NR3C1: variants seen among roughly 807,000 people sequenced by gnomAD.
NR3C1 encodes nuclear receptor subfamily 3 group C member 1.
Under a neutral mutation model 74.0 loss-of-function variants are expected in NR3C1, and 14 were observed. The ratio of observed to expected loss-of-function variants is 0.19; its 90% CI spans 0.12 to 0.30. NR3C1 has a LOEUF of 0.30. Among genes scored for constraint, NR3C1 ranks in the 10% least tolerant of loss-of-function variants. NR3C1 has a pLI of 1.00. For missense variants in NR3C1, 695 were observed against 909.8 expected, an observed-to-expected ratio of 0.76 and a Z score of 3.04; for synonymous variants, 308 against 332.5, an observed-to-expected ratio of 0.93 and a Z score of 0.80.
intron 1 of NR3C1, chr5:143,401,544 C>A (rs1295131185): frequency 6.5e-6 from 1 of 153,444 alleles, no homozygotes; most frequent in African/African-American, 2.4e-5. Flanking sequence ...AAATGAGATA[C>A]ACTTTATATA....
chr5:143,348,241 C>T (rs1829650558), intron 2 of NR3C1, among the ~76,000 whole-genome samples: 1 of 152,102 alleles, frequency 6.6e-6, no homozygotes, highest in South Asian at 2.1e-4. Context: ...ACTGAAAATG[C>T]CCAATGAAAC....
intron 2 of NR3C1, among the ~76,000 whole-genome samples, chr5:143,340,716 C>T (rs947211442): frequency 6.6e-6 from 1 of 152,086 alleles, no homozygotes; most frequent in East Asian, 1.9e-4. Flanking sequence ...CTCCTGACCT[C>T]GTGATCCGCC....
intron 2 of NR3C1, among the ~76,000 whole-genome samples, chr5:143,326,303 G>A (rs1051985518): frequency 4.6e-5 from 7 of 152,082 alleles, no homozygotes; most frequent in Non-Finnish European, 1.0e-4. Context: ...CTTAAGGTAA[G>A]GTTAAACATC....
chr5:143,433,433 T>G (rs1751943885), intron 1 of NR3C1, among the ~76,000 whole-genome samples: 1 of 138,880 alleles, frequency 7.2e-6, no homozygotes, highest in Non-Finnish European at 1.5e-5. Context: ...TATATATATA[T>G]ATAATTTATT....
At chr5:143,330,985 C>G (rs924481355) in intron 2 of NR3C1, among the ~76,000 whole-genome samples, 1 of 152,114 alleles carries the variant, frequency 6.6e-6, no homozygotes, top group Non-Finnish European at 1.5e-5. Context: ...CAAAAAAGGG[C>G]ACAAATAGCC....
chr5:143,279,248 G>A lies in NR3C1; in HGVS notation c.*2641C>T. ...AGCTTCTTTTCCCATTTAATGAAAA[G>A]CCTCCTATAGTTGTCGATGAGCATC... On this transcript the variant is annotated 3_prime_UTR_variant, in exon 9 of 9. Transcript: ENST00000394464. The A allele has an allele frequency of 3.4e-6, 4 of 1,183,022 alleles. No individual in the cohort carries two copies. The highest frequency in any genetic ancestry group is 3.2e-5 in the South Asian group (2 of 62,612). 73.3% of individuals were successfully genotyped at this position (1,183,022 alleles called of 1,614,324 possible). A position where few individuals can be genotyped will look rare whatever the true frequency, so the allele number is the denominator to read the frequency against.
At chr5:143,343,146 C>T (rs150907865) in intron 2 of NR3C1, among the ~76,000 whole-genome samples, 1 of 152,304 alleles carries the variant, frequency 6.6e-6, no homozygotes, top group East Asian at 1.9e-4. Flanking sequence ...GCACAATGGT[C>T]ATACTGCCTT....
At chr5:143,361,181 G>C (rs567439906) in intron 2 of NR3C1, among the ~76,000 whole-genome samples, 9 of 152,184 alleles carry the variant, frequency 5.9e-5, no homozygotes, top group African/African-American at 2.2e-4. Flanking sequence ...AGTATAAGTA[G>C]GAAGCATGGC....
intron 2 of NR3C1, among the ~76,000 whole-genome samples, chr5:143,343,977 A>G (rs569016488): frequency 1.3e-5 from 2 of 152,358 alleles, no homozygotes; most frequent in South Asian, 2.1e-4. Context: ...AGTATTAACA[A>G]AAGATATTTT....
At chr5:143,332,412 T>TG (rs569225451) in intron 2 of NR3C1, among the ~76,000 whole-genome samples, 95 of 7,060 alleles carry the variant, frequency 0.013, no homozygotes, top group Non-Finnish European at 0.018. Context: ...GCCCGTTGGG[T>TG]GGGGGGGCGG....
At chr5:143,323,372 GTTTT>G (rs1823794294) in intron 2 of NR3C1, among the ~76,000 whole-genome samples, 1 of 152,144 alleles carries the variant, frequency 6.6e-6, no homozygotes, top group Admixed American at 6.5e-5. Context: ...AGAGGCAAAA[GTTTT>G]GGAAACCCCT....
intron 2 of NR3C1, among the ~76,000 whole-genome samples, chr5:143,352,015 G>A (rs923718805): frequency 6.6e-6 from 1 of 152,106 alleles, no homozygotes. Context: ...AATAGATGAA[G>A]AGAGTTTTGT....
chr5:143,323,893 A>G (rs887363792), intron 2 of NR3C1, among the ~76,000 whole-genome samples: 1 of 152,192 alleles, frequency 6.6e-6, no homozygotes, highest in African/African-American at 2.4e-5. Flanking sequence ...CCAGTGAGTT[A>G]GTCAAATTTT....
chr5:143,383,980 A>G (rs912338221), intron 2 of NR3C1, among the ~76,000 whole-genome samples: 1 of 152,220 alleles, frequency 6.6e-6, no homozygotes, highest in Non-Finnish European at 1.5e-5. Flanking sequence ...CTGTGTCTGG[A>G]TAATTTATGA....
intron 7 of NR3C1, among the ~76,000 whole-genome samples, chr5:143,292,711 C>T (rs914469209): frequency 2.0e-5 from 3 of 152,182 alleles, no homozygotes; most frequent in Non-Finnish European, 2.9e-5. Flanking sequence ...AGTCCTCACT[C>T]AGCCTCCAGC....
In NR3C1 at chr5:143,301,033, G is replaced by A. The variant is rs117086677; in HGVS notation, c.1469-270C>T. On this transcript the variant is annotated intron_variant, in intron 4 of 8. Transcript: ENST00000394464. The stretch of plus-strand genomic sequence containing the variant: ...TATTCCTTATACAAAGTATTATAAC[G>A]GTATGTTAAAACAATCTGAGTAAAT... 1.0e-3 allele frequency among the ~76,000 whole-genome samples: 158 copies of A among 151,792 alleles called. 3 individuals are homozygous for A. The East Asian group carries it at 0.022, about 21-fold the overall frequency.
chr5:143,340,946 T>C (rs539908275), intron 2 of NR3C1, among the ~76,000 whole-genome samples: 25 of 152,228 alleles, frequency 1.6e-4, no homozygotes, highest in African/African-American at 5.3e-4. Context: ...CAGTACCCAA[T>C]AGTTGTATCT....
intron 2 of NR3C1, among the ~76,000 whole-genome samples, chr5:143,354,887 C>CA (rs1427363048): frequency 6.8e-6 from 1 of 146,354 alleles, no homozygotes; most frequent in African/African-American, 2.5e-5. Flanking sequence ...TGAACCACTG[C>CA]ACTCCAGCCT....
intron 2 of NR3C1, among the ~76,000 whole-genome samples, chr5:143,391,440 A>T (rs970769306): frequency 6.6e-6 from 1 of 152,246 alleles, no homozygotes; most frequent in Non-Finnish European, 1.5e-5. Flanking sequence ...ATGTAAAAAA[A>T]TTTTAAACCT....
Sources: allele counts gnomAD v4.1 joint callset (sites outside exome capture counted in the v4.1 genomes callset), GRCh38; gene constraint gnomAD v4.1.1; transcripts MANE v1.5; gene names NCBI Gene and HGNC (gene_info 2026-07-23, HGNC 2026-07-21).